Variants in XAGE2 observed in about 807,000 individuals in gnomAD.
The protein encoded by XAGE2 is G antigen family D member 3.
A neutral mutation model predicts 9.9 loss-of-function variants in XAGE2; 7 were observed. That is an observed-to-expected ratio of 0.71 (90% confidence interval 0.40 to 1.32). XAGE2 has a LOEUF of 1.32. XAGE2 is among the 40% of genes most tolerant of loss of function. XAGE2 has a pLI of 0.01. For missense variants in XAGE2, 85 were observed against 81.0 expected (o/e 1.05, Z -0.19); for synonymous variants, 31 against 26.8 (o/e 1.16, Z -0.48).
chrX:52,370,773 G>T, intron 3 of XAGE2, 101 bp downstream of exon 3: 2 of 828,718 alleles, frequency 2.4e-6, no homozygotes, highest in Non-Finnish European at 3.5e-6. Context: ...GAAAACATTA[G>T]GAAAGGATCT....
Position 52,370,086 on chromosome X carries a change from G to T in XAGE2, c.72G>T (p.Gly24=). The T allele has an allele frequency of 8.3e-7, 1 of 1,211,202 alleles. No individual in the cohort carries two copies. The highest frequency in any genetic ancestry group is 1.1e-6 in the Non-Finnish European group (1 of 895,084). Residue 24 remains glycine, a synonymous_variant, in exon 2 of 5, where the codon GGG becomes GGT. Transcript: ENST00000286049. ...GTTTACAGCCTCCTGAGCTGATTGGGGCTATGCTTGTGAGTGCTTTAATAT... is the reference window on the plus strand; with the variant it reads ...GTTTACAGCCTCCTGAGCTGATTGGTGCTATGCTTGTGAGTGCTTTAATAT... ...RRSLQPPELI[G]AMLEPTDEEP...
chrX:52,369,732 C>T (rs1252019056), intron 1 of XAGE2, among the ~76,000 whole-genome samples: 2 of 112,417 alleles, frequency 1.8e-5, no homozygotes, highest in Non-Finnish European at 3.8e-5. Context: ...AATGTCTCCA[C>T]TATGGAGAAT....
At chrX:52,374,544 C>T (rs949044096) in intron 4 of XAGE2, among the ~76,000 whole-genome samples, 1 of 111,826 alleles carries the variant, frequency 8.9e-6, no homozygotes, top group Non-Finnish European at 1.9e-5. Context: ...AAAGTGAATA[C>T]GTTCTTAAAC....
intron 1 of XAGE2, among the ~76,000 whole-genome samples, chrX:52,369,492 A>G: frequency 9.1e-6 from 1 of 110,467 alleles, no homozygotes; most frequent in Non-Finnish European, 1.9e-5. Flanking sequence ...TGGGAATGCT[A>G]TGAGCTGGTG....
At chrX:52,373,951 A>G (rs1921255889) in intron 4 of XAGE2, among the ~76,000 whole-genome samples, 1 of 111,803 alleles carries the variant, frequency 8.9e-6, no homozygotes, top group African/African-American at 3.2e-5. Context: ...AGCAAATTAC[A>G]TGATAAAGTA....
chrX:52,369,569 C>T (rs973559646), intron 1 of XAGE2, among the ~76,000 whole-genome samples: 65 of 111,484 alleles, frequency 5.8e-4, no homozygotes, highest in African/African-American at 2.1e-3. Flanking sequence ...AGTGATGTGT[C>T]ACAACTTCTC....
chrX:52,375,493 G>A (rs1353623077), intron 4 of XAGE2, 76 bp from the exon 5 acceptor site: 4 of 1,090,540 alleles, frequency 3.7e-6, no homozygotes, highest in Admixed American at 2.3e-5. Flanking sequence ...AAAAACTTTG[G>A]TGTCATTTGC....
In XAGE2 at chrX:52,370,113, T is replaced by C. The variant is rs1921154725; in HGVS notation, c.81+18T>C. 1 of 1,203,182 alleles carries C rather than the reference T, an allele frequency of 8.3e-7. No individual in the cohort carries two copies. The highest frequency in any genetic ancestry group is 1.1e-6 in the Non-Finnish European group (1 of 887,531). On this transcript the variant is annotated intron_variant, in intron 2 of 4. Coordinates refer to ENST00000286049, the MANE Select transcript of XAGE2 (RefSeq NM_130777.3). Reference sequence around the variant, plus strand: ...CTATGCTTGTGAGTGCTTTAATATTTTGATGTTTTTTATTAGCAGAAATTT... The same window carrying C: ...CTATGCTTGTGAGTGCTTTAATATTCTGATGTTTTTTATTAGCAGAAATTT...
At chrX:52,369,585 C>G (rs1185330651) in intron 1 of XAGE2, among the ~76,000 whole-genome samples, 2 of 111,683 alleles carry the variant, frequency 1.8e-5, no homozygotes, top group Admixed American at 1.9e-4. Flanking sequence ...TTCTCAACTC[C>G]ACCCTGGAGG....
At chrX:52,369,878 C>A in intron 1 of XAGE2, 129 bp from the exon 2 acceptor site, 2 of 693,303 alleles carry the variant, frequency 2.9e-6, no homozygotes, top group South Asian at 2.3e-5. Flanking sequence ...CTTCTAGTTG[C>A]CCTGGGACTT....
At position 52,370,081 on chromosome X, in the gene XAGE2, A is replaced by G. The variant is rs1157710084; in HGVS notation, c.67A>G (p.Ile23Val). The G allele has an allele frequency of 8.3e-6, 10 of 1,210,437 alleles. No homozygotes were observed. Among genetic ancestry groups the G allele is most frequent in the Admixed American group, 2.2e-5 (1 of 45,878 alleles). The change falls in exon 2 of 5, where the codon ATT (isoleucine) becomes GTT (valine). Residue 23 changes from isoleucine to valine, a missense_variant. Physicochemically the swap from Ile to Val is conservative, Grantham distance 29 (BLOSUM62 3). Coordinates refer to ENST00000286049, the MANE Select transcript of XAGE2 (RefSeq NM_130777.3). The stretch of plus-strand genomic sequence containing the variant: ...AAGAAGTTTACAGCCTCCTGAGCTG[A>G]TTGGGGCTATGCTTGTGAGTGCTTT... ...PRRSLQPPEL[I>V]GAMLEPTDEE...
At chrX:52,370,332 C>T (rs1921159530) in intron 2 of XAGE2, among the ~76,000 whole-genome samples, 1 of 112,095 alleles carries the variant, frequency 8.9e-6, no homozygotes, top group Admixed American at 9.5e-5. Context: ...TGCACACATC[C>T]AACCCAACAT....
intron 4 of XAGE2, among the ~76,000 whole-genome samples, 178 bp from the exon 5 acceptor site, chrX:52,375,391 G>A (rs1366535253): frequency 9.0e-6 from 1 of 111,675 alleles, no homozygotes; most frequent in African/African-American, 3.3e-5. Flanking sequence ...TATATGTTTG[G>A]AAGTTTATCT....
At chrX:52,374,641 T>C (rs2146415978) in intron 4 of XAGE2, among the ~76,000 whole-genome samples, 1 of 112,250 alleles carries the variant, frequency 8.9e-6, no homozygotes, top group African/African-American at 3.2e-5. Flanking sequence ...CCTGAATATC[T>C]ATTCATCACA....
At chrX:52,375,271 A>G (rs889818161) in intron 4 of XAGE2, among the ~76,000 whole-genome samples, 3 of 111,922 alleles carry the variant, frequency 2.7e-5, no homozygotes, top group African/African-American at 9.7e-5. Flanking sequence ...TTTATACATT[A>G]AATCCCTTTT....
intron 3 of XAGE2, among the ~76,000 whole-genome samples, chrX:52,372,131 C>T (rs1921206837): frequency 9.0e-6 from 1 of 111,045 alleles, no homozygotes; most frequent in African/African-American, 3.3e-5. Flanking sequence ...CTGGTGGGTC[C>T]CTTGAGCCTG....
At chrX:52,370,487 A>G (rs1921162020) in intron 2 of XAGE2, 80 bp from the exon 3 acceptor site, 5 of 802,517 alleles carry the variant, frequency 6.2e-6, no homozygotes, top group Non-Finnish European at 9.6e-6. Flanking sequence ...ATACCTGTGT[A>G]TTCTGTATAT....
intron 4 of XAGE2, 33 bp from the exon 5 acceptor site, chrX:52,375,536 A>G: frequency 2.5e-6 from 3 of 1,198,353 alleles, no homozygotes; most frequent in East Asian, 3.0e-5. Flanking sequence ...CAGTTCTGCT[A>G]GTAATGTTCC....
At chrX:52,372,511 G>T in intron 3 of XAGE2, 33 bp from the exon 4 acceptor site, 1 of 1,207,262 alleles carries the variant, frequency 8.3e-7, no homozygotes, top group East Asian at 3.0e-5. Context: ...TCATGTTTTT[G>T]TACTCAAGTT....
Sources: gnomAD v4.1 joint callset for allele counts (sites outside exome capture counted in the v4.1 genomes callset) on GRCh38, gnomAD v4.1.1 for gene constraint, MANE v1.5 for transcripts, NCBI Gene and HGNC (gene_info 2026-07-23, HGNC 2026-07-21) for gene names.